DLG1: variants seen among roughly 807,000 people sequenced by gnomAD.
DLG1 encodes the protein disks large homolog 1.
Under a neutral mutation model 123.4 loss-of-function variants are expected in DLG1, and 42 were observed. That is an observed-to-expected ratio of 0.34 (90% CI 0.27 to 0.44). The LOEUF (loss-of-function observed/expected upper bound fraction) is 0.44, where lower values mean the gene tolerates loss of function less well. Ranked by LOEUF, DLG1 falls within the 20% of genes least tolerant of loss-of-function variation. The pLI is 1.00. For missense variants in DLG1, 942 were observed against 1,082.6 expected (o/e 0.87, Z 1.82); for synonymous variants, 317 against 356.2 (o/e 0.89, Z 1.24).
intron 5 of DLG1, among the ~76,000 whole-genome samples, chr3:197,173,828 T>C (rs926303545): frequency 1.3e-5 from 2 of 152,218 alleles, no homozygotes; most frequent in African/African-American, 4.8e-5. Flanking sequence ...AAGCCAGGCA[T>C]GGTGGCTCAT....
intron 12 of DLG1, among the ~76,000 whole-genome samples, chr3:197,116,635 AC>A (rs1237791351): frequency 6.6e-6 from 1 of 152,162 alleles, no homozygotes; most frequent in Non-Finnish European, 1.5e-5. Flanking sequence ...AGACAGACAA[AC>A]CTTATCAAGG....
chr3:197,121,823 C>CAAAAAAAAA (rs71161995), intron 11 of DLG1, among the ~76,000 whole-genome samples: 7 of 101,958 alleles, frequency 6.9e-5, no homozygotes, highest in Non-Finnish European at 9.3e-5. Context: ...ACAATCACCA[C>CAAAAAAAAA]AAAAAAAAAA....
intron 16 of DLG1, among the ~76,000 whole-genome samples, chr3:197,082,188 G>A (rs1751557614): frequency 6.6e-6 from 1 of 151,932 alleles, no homozygotes; most frequent in Admixed American, 6.6e-5. Context: ...TGGCCAACAT[G>A]GTGAAACCCT....
intron 4 of DLG1, among the ~76,000 whole-genome samples, chr3:197,271,998 A>G (rs1363457567): frequency 6.6e-6 from 1 of 152,206 alleles, no homozygotes; most frequent in Admixed American, 6.5e-5. Flanking sequence ...AGTTTATGGG[A>G]GTTTTATGAT....
rs770848633 is a variant in DLG1 at position 197,116,067 on chromosome 3, C to G, written c.1303G>C (p.Val435Leu). The stretch of plus-strand genomic sequence containing the variant: ...AGGCCCGTTGAGCCACGATGAAGAA[C>G]AACTTTTCTAGGTTCCCTAAAAATT... ...DEITREPRKVVLHRGSTGLGF... is the reference protein window; with the variant it reads ...DEITREPRKVLLHRGSTGLGF... Residue 435 changes from valine (V) to leucine (L), a missense_variant, in exon 13 of 25, where the codon GTT becomes CTT. Coordinates refer to ENST00000667157, the MANE Select transcript of DLG1 (RefSeq NM_001366207.1). The G allele has an allele frequency of 1.3e-6, 2 of 1,598,266 alleles. No individual in the cohort carries two copies. The highest frequency in any genetic ancestry group is 2.2e-5 in the East Asian group (1 of 44,528).
At chr3:197,206,675 TA>T (rs1728677458) in intron 4 of DLG1, among the ~76,000 whole-genome samples, 1 of 151,906 alleles carries the variant, frequency 6.6e-6, no homozygotes, top group Admixed American at 6.6e-5. Flanking sequence ...AAGTCAGAAA[TA>T]AGCATATCAT....
intron 4 of DLG1, among the ~76,000 whole-genome samples, chr3:197,196,567 G>C (rs1159385965): frequency 1.3e-5 from 2 of 152,094 alleles, no homozygotes; most frequent in African/African-American, 4.8e-5. Context: ...CAACAACTTA[G>C]GATATACTTT....
At chr3:197,136,727 C>G (rs1351255346) in intron 9 of DLG1, 49 bp from the exon 10 acceptor site, 17 of 1,524,096 alleles carry the variant, frequency 1.1e-5, no homozygotes, top group Non-Finnish European at 1.4e-5. Flanking sequence ...TGAACTTAAG[C>G]CCAGAAAGAA....
rs1339311742 is a variant in DLG1, at chr3:197,183,950, C to A, written c.483+10475G>T. On this transcript the variant is annotated intron_variant, in intron 5 of 24. Transcript: ENST00000667157. ...AAAATAAAAACCTTGAGAAATGATG[C>A]TCATTTTCTCAGTGATTTCTTCCTA... 3 of 1,429,134 alleles carry A rather than the reference C, an allele frequency of 2.1e-6. No homozygotes were observed. In the African/African-American group the frequency reaches 4.3e-5, roughly 21 times the overall value. 88.5% of individuals were successfully genotyped at this position (1,429,134 alleles called of 1,614,324 possible).
chr3:197,152,635 C>T (rs369315256), intron 5 of DLG1, among the ~76,000 whole-genome samples: 109 of 151,440 alleles, frequency 7.2e-4, no homozygotes, highest in African/African-American at 2.6e-3. Context: ...TCGTGGCAGG[C>T]GCCTGTAGTC....
intron 23 of DLG1, among the ~76,000 whole-genome samples, chr3:197,055,933 T>C (rs1230823450): frequency 1.3e-5 from 2 of 152,208 alleles, no homozygotes; most frequent in African/African-American, 4.8e-5. Flanking sequence ...CAAAGATTCC[T>C]GCTATTTGGA....
At chr3:197,286,358 A>C (rs1384553165) in intron 3 of DLG1, among the ~76,000 whole-genome samples, 1 of 152,120 alleles carries the variant, frequency 6.6e-6, no homozygotes, top group Non-Finnish European at 1.5e-5. Context: ...AGGGTGGGGG[A>C]GCTTCTGCAG....
chr3:197,104,068 A>G (rs963915935), intron 14 of DLG1, among the ~76,000 whole-genome samples: 5 of 152,280 alleles, frequency 3.3e-5, no homozygotes, highest in Admixed American at 3.3e-4. Flanking sequence ...GACACACAGT[A>G]TACTCCAAAC....
intron 23 of DLG1, among the ~76,000 whole-genome samples, chr3:197,058,833 AT>A (rs1196429034): frequency 1.3e-5 from 2 of 152,170 alleles, no homozygotes; most frequent in Admixed American, 1.3e-4. Context: ...GCAGCTGTCA[AT>A]TTTTATTTTT....
intron 18 of DLG1, among the ~76,000 whole-genome samples, chr3:197,073,760 T>C (rs562997915): frequency 6.6e-6 from 1 of 152,308 alleles, no homozygotes; most frequent in South Asian, 2.1e-4. Context: ...TTCAATTAAA[T>C]ACCCCATTTT....
chr3:197,219,994 T>G (rs1736118125), intron 4 of DLG1, among the ~76,000 whole-genome samples: 1 of 152,206 alleles, frequency 6.6e-6, no homozygotes, highest in Admixed American at 6.5e-5. Context: ...TAAAAAACAT[T>G]ACTATGTACA....
At chr3:197,110,745 G>C (rs947288591) in intron 13 of DLG1, among the ~76,000 whole-genome samples, 2 of 152,178 alleles carry the variant, frequency 1.3e-5, no homozygotes, top group Admixed American at 1.3e-4. Flanking sequence ...TGTCTGGTTA[G>C]CTTAGTGGTT....
intron 4 of DLG1, among the ~76,000 whole-genome samples, chr3:197,245,784 CAT>C (rs1311540037): frequency 6.6e-6 from 1 of 151,214 alleles, no homozygotes; most frequent in Non-Finnish European, 1.5e-5. Flanking sequence ...GTGGAAAATG[CAT>C]GTTTCAGAGG....
intron 4 of DLG1, among the ~76,000 whole-genome samples, chr3:197,252,905 CATA>C (rs1755141501): frequency 6.6e-6 from 1 of 151,822 alleles, no homozygotes; most frequent in Admixed American, 6.6e-5. Flanking sequence ...AAATGGTTAC[CATA>C]ATAAATTGTA....
Sources: allele counts gnomAD v4.1 joint callset (sites outside exome capture counted in the v4.1 genomes callset), GRCh38; gene constraint gnomAD v4.1.1; transcripts MANE v1.5; gene names NCBI Gene and HGNC (gene_info 2026-07-23, HGNC 2026-07-21).